Variants in DPP10 observed in about 807,000 individuals in gnomAD.
DPP10 encodes inactive dipeptidyl peptidase 10.
A neutral mutation model predicts 120.9 loss-of-function variants in DPP10; 33 were observed. The ratio of observed to expected loss-of-function variants is 0.27; its 90% confidence interval spans 0.21 to 0.37. DPP10 has a LOEUF of 0.37. Among genes scored for constraint, DPP10 ranks in the 10% least tolerant of loss-of-function variants. DPP10 has a pLI of 1.00. For synonymous variants in DPP10, 337 were observed against 326.1 expected, an observed-to-expected ratio of 1.03 and a Z score of -0.36; for missense variants, 816 against 942.8, an observed-to-expected ratio of 0.87 and a Z score of 1.76.
At chr2:114,782,510 G>A (rs575311721) in intron 1 of DPP10, among the ~76,000 whole-genome samples, 1 of 151,884 alleles carries the variant, frequency 6.6e-6, no homozygotes, top group African/African-American at 2.4e-5. Flanking sequence ...GCATCTGAAG[G>A]CACCCATTTG....
At chr2:115,061,437 G>C (rs953101481) in intron 1 of DPP10, among the ~76,000 whole-genome samples, 1 of 152,166 alleles carries the variant, frequency 6.6e-6, no homozygotes, top group African/African-American at 2.4e-5. Flanking sequence ...AGGCATGATA[G>C]TGACATCCAT....
intron 1 of DPP10, among the ~76,000 whole-genome samples, chr2:114,953,888 G>A (rs1264128224): frequency 1.3e-5 from 2 of 151,864 alleles, no homozygotes; most frequent in African/African-American, 4.8e-5. Context: ...AAATTTTGAA[G>A]CAACAATTGC....
intron 1 of DPP10, among the ~76,000 whole-genome samples, chr2:114,690,812 G>GTATTCCTAGATATTT (rs1699689751): frequency 6.6e-6 from 1 of 150,406 alleles, no homozygotes; most frequent in Non-Finnish European, 1.5e-5. Context: ...CTTGTTAGCT[G>GTATTCCTAGATATTT]TATTCTTTTT....
chr2:115,225,036 G>T (rs2057365174), intron 1 of DPP10, among the ~76,000 whole-genome samples: 1 of 152,138 alleles, frequency 6.6e-6, no homozygotes. Flanking sequence ...TTTTGGGTAG[G>T]AGATAGTCCA....
Position 115,843,316 on chromosome 2 carries a change from T to C in DPP10, c.*971T>C, listed in dbSNP as rs1180999532. 1.3e-5 allele frequency: 2 copies of C among 152,608 alleles called. No homozygotes were observed. The highest frequency in any genetic ancestry group is 3.9e-4 in the East Asian group (2 of 5,190). 9.5% of individuals were successfully genotyped at this position (152,608 alleles called of 1,614,324 possible). On this transcript the variant is annotated 3_prime_UTR_variant, in exon 26 of 26. Coordinates refer to ENST00000410059, the MANE Select transcript of DPP10 (RefSeq NM_020868.6). ...TAAATTATAGTTTCTGATAAAGAAA[T>C]TTTGTTAACAATGCAATGCCACTGA...
chr2:115,218,068 A>G (rs1483771484), intron 1 of DPP10, among the ~76,000 whole-genome samples: 1 of 152,192 alleles, frequency 6.6e-6, no homozygotes, highest in African/African-American at 2.4e-5. Context: ...ATGTTTTGCC[A>G]GAGAGTTCTT....
At chr2:114,993,970 A>T (rs1700921349) in intron 1 of DPP10, among the ~76,000 whole-genome samples, 2 of 152,038 alleles carry the variant, frequency 1.3e-5, no homozygotes, top group African/African-American at 4.8e-5. Flanking sequence ...ATGCTCCCTA[A>T]TCCTACACTG....
At chr2:115,057,737 A>G (rs1366014498) in intron 1 of DPP10, among the ~76,000 whole-genome samples, 1 of 152,184 alleles carries the variant, frequency 6.6e-6, no homozygotes, top group Admixed American at 6.5e-5. Context: ...AGCCTCACAG[A>G]TCAATAGATA....
chr2:114,822,414 CT>C (rs1348541687), intron 1 of DPP10, among the ~76,000 whole-genome samples: 1 of 152,108 alleles, frequency 6.6e-6, no homozygotes, highest in Non-Finnish European at 1.5e-5. Flanking sequence ...CCATTTTTTC[CT>C]CTTAGCCTCT....
intron 1 of DPP10, among the ~76,000 whole-genome samples, chr2:114,902,889 A>T (rs1693691990): frequency 6.6e-6 from 1 of 152,160 alleles, no homozygotes; most frequent in Non-Finnish European, 1.5e-5. Flanking sequence ...AATGACATGC[A>T]TCTATCATTA....
At chr2:114,505,762 G>A (rs1204641685) in intron 1 of DPP10, among the ~76,000 whole-genome samples, 1 of 152,164 alleles carries the variant, frequency 6.6e-6, no homozygotes, top group Non-Finnish European at 1.5e-5. Flanking sequence ...CCACTCTGCT[G>A]CCCTTCCCTT....
At position 115,355,665 on chromosome 2, in the gene DPP10, C is replaced by T. The variant is rs59072695; in HGVS notation, c.271+11753C>T. On this transcript the variant is annotated intron_variant, in intron 3 of 25. Transcript: ENST00000410059. ...TCCTGAATGATACTGCCTAGGTTTT[C>T]GTCTAGGGTTTTTAGTATGTTGGGT... Among the ~76,000 whole-genome samples the T allele has an allele frequency of 5.5e-3, 844 of 152,228 alleles. 1 individual carries two copies. The highest frequency in any genetic ancestry group is 0.014 in the African/African-American group (581 of 41,538).
intron 1 of DPP10, among the ~76,000 whole-genome samples, chr2:114,796,705 A>G (rs1236555134): frequency 4.6e-5 from 7 of 152,166 alleles, no homozygotes; most frequent in Non-Finnish European, 8.8e-5. Flanking sequence ...AGCATTTTGC[A>G]TGTTCCTTTT....
chr2:114,663,668 T>TATATATAGAGAGAG, intron 1 of DPP10, among the ~76,000 whole-genome samples: 53 of 80,700 alleles, frequency 6.6e-4, no homozygotes, highest in East Asian at 3.2e-3. Flanking sequence ...TATATATATA[T>TATATATAGAGAGAG]AGAGAGAGAG....
intron 1 of DPP10, among the ~76,000 whole-genome samples, chr2:114,928,700 G>A (rs573083317): frequency 1.3e-5 from 2 of 152,142 alleles, no homozygotes; most frequent in African/African-American, 4.8e-5. Flanking sequence ...GCTCTCAGTG[G>A]TGGCTATGCT....
intron 3 of DPP10, among the ~76,000 whole-genome samples, chr2:115,399,909 T>C (rs1455305975): frequency 6.6e-6 from 1 of 152,180 alleles, no homozygotes; most frequent in African/African-American, 2.4e-5. Context: ...AAAGGTTTAA[T>C]TGGCTCATGG....
intron 1 of DPP10, among the ~76,000 whole-genome samples, chr2:115,013,987 A>G (rs964585452): frequency 2.6e-5 from 4 of 152,190 alleles, no homozygotes; most frequent in Non-Finnish European, 4.4e-5. Context: ...CTCTGGACCA[A>G]GCAGACCTAG....
intron 1 of DPP10, among the ~76,000 whole-genome samples, chr2:114,824,102 C>G (rs1277368345): frequency 6.6e-6 from 1 of 152,188 alleles, no homozygotes; most frequent in Non-Finnish European, 1.5e-5. Flanking sequence ...CCAAAATTCT[C>G]TGGAGTTTTA....
At chr2:115,463,572 C>T (rs2074119989) in intron 3 of DPP10, among the ~76,000 whole-genome samples, 1 of 152,156 alleles carries the variant, frequency 6.6e-6, no homozygotes, top group Non-Finnish European at 1.5e-5. Flanking sequence ...GTCTATCCTT[C>T]ACCTCAAATA....
Sources: gnomAD v4.1 joint callset for allele counts (sites outside exome capture counted in the v4.1 genomes callset) on GRCh38, gnomAD v4.1.1 for gene constraint, MANE v1.5 for transcripts, NCBI Gene and HGNC (gene_info 2026-07-23, HGNC 2026-07-21) for gene names.